DCLK1: variants seen among roughly 807,000 people sequenced by gnomAD.
DCLK1 encodes serine/threonine-protein kinase DCLK1.
DCLK1 carries 16 observed loss-of-function variants against 86.2 expected under a neutral mutation model. That is an observed-to-expected ratio of 0.19 (90% confidence interval 0.13 to 0.28). The LOEUF is 0.28. Among genes scored for constraint, DCLK1 ranks in the 10% least tolerant of loss-of-function variants. DCLK1 has a pLI of 1.00. For synonymous variants in DCLK1, 369 were observed against 370.5 expected (o/e 1.00, Z 0.05); for missense variants, 590 against 940.2 (o/e 0.63, Z 4.87).
At chr13:35,855,756 C>G in intron 5 of DCLK1, 4 of 1,302,128 alleles carry the variant, frequency 3.1e-6, no homozygotes, top group Non-Finnish European at 3.9e-6. Flanking sequence ...TAGGCTACAT[C>G]AAAGGTGTCA....
chr13:35,986,406 C>A (rs1593794216), intron 3 of DCLK1, among the ~76,000 whole-genome samples: 1 of 151,556 alleles, frequency 6.6e-6, no homozygotes, highest in Admixed American at 6.6e-5. Flanking sequence ...GGTCTCAAAC[C>A]CACCCTAGCA....
At chr13:35,838,822 C>T (rs1170248155) in intron 7 of DCLK1, among the ~76,000 whole-genome samples, 1 of 152,130 alleles carries the variant, frequency 6.6e-6, no homozygotes, top group Non-Finnish European at 1.5e-5. Flanking sequence ...CTCTTATTTC[C>T]AAAGCAGGCA....
At chr13:36,017,196 T>C (rs546636036) in intron 3 of DCLK1, among the ~76,000 whole-genome samples, 3 of 152,322 alleles carry the variant, frequency 2.0e-5, no homozygotes, top group East Asian at 1.9e-4. Flanking sequence ...TAATACAGAA[T>C]TGGAGTTACT....
chr13:35,967,963 G>C (rs1020063316), intron 3 of DCLK1, among the ~76,000 whole-genome samples: 2 of 152,032 alleles, frequency 1.3e-5, no homozygotes, highest in Non-Finnish European at 2.9e-5. Context: ...GGAGGCTGCA[G>C]TGACCAGGAT....
At chr13:35,958,813 T>C (rs191792577) in intron 3 of DCLK1, among the ~76,000 whole-genome samples, 1 of 152,358 alleles carries the variant, frequency 6.6e-6, no homozygotes, top group African/African-American at 2.4e-5. Flanking sequence ...TAAAGACATT[T>C]ACATGGCTTC....
intron 4 of DCLK1, among the ~76,000 whole-genome samples, chr13:35,917,137 A>C (rs1806766945): frequency 1.3e-5 from 2 of 152,170 alleles, no homozygotes. Context: ...CCCTTCATCA[A>C]ATCTAGCACA....
chr13:35,993,699 A>T (rs1009396082), intron 3 of DCLK1, among the ~76,000 whole-genome samples: 11 of 152,198 alleles, frequency 7.2e-5, no homozygotes, highest in Non-Finnish European at 1.2e-4. Flanking sequence ...AAAGATTTAC[A>T]TACATGAGGA....
intron 4 of DCLK1, among the ~76,000 whole-genome samples, chr13:35,941,897 A>G (rs755412455): frequency 6.6e-6 from 1 of 152,230 alleles, no homozygotes; most frequent in Non-Finnish European, 1.5e-5. Context: ...AACATCTCAT[A>G]CTAAGCCTGC....
Position 35,797,485 on chromosome 13 carries a change from G to A in DCLK1, c.1945-4006C>T, listed in dbSNP as rs181032229. ...TGGGGCCTGGAGGTGAAGGCCTCCA[G>A]CTTTAAATTCCAGTGAAGGTTTGAG... On this transcript the variant is annotated intron_variant, in intron 15 of 16. Coordinates refer to ENST00000360631, the MANE Select transcript of DCLK1 (RefSeq NM_001330071.2). 6.6e-5 allele frequency among the ~76,000 whole-genome samples: 10 copies of A among 152,258 alleles called. No homozygotes were observed. The East Asian group carries it at 1.9e-3, about 29-fold the overall frequency.
chr13:35,956,427 C>T (rs1018887739), intron 3 of DCLK1, among the ~76,000 whole-genome samples: 1 of 152,042 alleles, frequency 6.6e-6, no homozygotes, highest in Non-Finnish European at 1.5e-5. Flanking sequence ...AAACATCTTA[C>T]TGTGATAATT....
intron 3 of DCLK1, among the ~76,000 whole-genome samples, chr13:35,955,147 C>G (rs1254330432): frequency 6.6e-6 from 1 of 152,110 alleles, no homozygotes; most frequent in Non-Finnish European, 1.5e-5. Flanking sequence ...TCAGACACAC[C>G]TAAGCAGACT....
intron 5 of DCLK1, among the ~76,000 whole-genome samples, chr13:35,857,052 A>G (rs1871103288): frequency 6.6e-6 from 1 of 152,170 alleles, no homozygotes; most frequent in Non-Finnish European, 1.5e-5. Context: ...TAGAATTACA[A>G]TAAAGTATTT....
intron 3 of DCLK1, among the ~76,000 whole-genome samples, chr13:35,957,646 C>T (rs190777595): frequency 2.6e-4 from 39 of 152,222 alleles, no homozygotes; most frequent in Non-Finnish European, 5.0e-4. Flanking sequence ...GGCTTGCTGC[C>T]TGAGATTGTG....
rs1188266769 is a variant in DCLK1, at chr13:35,773,263, ACCT to A, written c.*1269_*1271del. 9.8e-5 allele frequency: 15 copies of A among 152,390 alleles called. No individual in the cohort carries two copies. The highest frequency in any genetic ancestry group is 9.2e-4 in the Admixed American group (14 of 15,252). 9.4% of individuals were successfully genotyped at this position (152,390 alleles called of 1,614,324 possible). On this transcript the variant is annotated 3_prime_UTR_variant, in exon 17 of 17. Transcript: ENST00000360631. ...GCCCAAAGACAGAAAAAACACTCTG[ACCT>A]CCTGGACAGCTAAAGACAGTGGTAT...
intron 15 of DCLK1, among the ~76,000 whole-genome samples, chr13:35,794,726 G>A (rs1307105698): frequency 6.6e-6 from 1 of 152,194 alleles, no homozygotes; most frequent in Non-Finnish European, 1.5e-5. Flanking sequence ...CTGTTCCAAG[G>A]CATTTATCCC....
At position 35,929,954 on chromosome 13, in the gene DCLK1, T is replaced by C. The variant is rs181674947; in HGVS notation, c.823+17404A>G. Among the ~76,000 whole-genome samples the C allele has an allele frequency of 6.6e-5, 10 of 151,496 alleles. No homozygotes were observed. The East Asian group carries it at 1.8e-3, about 27-fold the overall frequency. On this transcript the variant is annotated intron_variant, in intron 4 of 16. Coordinates refer to ENST00000360631, the MANE Select transcript of DCLK1 (RefSeq NM_001330071.2). ...CTTAGCTTCAGGTAGTGAAGAGCCA[T>C]AGAGTATCAGTATCTTATTATATTT...
chr13:36,108,410 A>T (rs191867888), intron 3 of DCLK1, among the ~76,000 whole-genome samples: 27 of 152,366 alleles, frequency 1.8e-4, no homozygotes, highest in Admixed American at 1.4e-3. Context: ...CATCAAAAAA[A>T]GTACTGTTCA....
At chr13:36,037,606 C>T (rs1279001959) in intron 3 of DCLK1, among the ~76,000 whole-genome samples, 1 of 152,024 alleles carries the variant, frequency 6.6e-6, no homozygotes, top group East Asian at 1.9e-4. Flanking sequence ...GCCTCAGTCT[C>T]CCAAGTACCT....
intron 3 of DCLK1, among the ~76,000 whole-genome samples, chr13:36,048,754 C>T (rs558182923): frequency 6.2e-4 from 95 of 152,310 alleles, no homozygotes; most frequent in African/African-American, 2.2e-3. Context: ...TTCTCTCTTT[C>T]CTTGACAGTG....
Sources: allele counts gnomAD v4.1 joint callset (sites outside exome capture counted in the v4.1 genomes callset), GRCh38; gene constraint gnomAD v4.1.1; transcripts MANE v1.5; gene names NCBI Gene and HGNC (gene_info 2026-07-23, HGNC 2026-07-21).